TMEM132C: variants seen among roughly 807,000 people sequenced by gnomAD.
TMEM132C encodes the protein protein phosphatase 1, regulatory subunit 152.
Under a neutral mutation model 61.4 loss-of-function variants are expected in TMEM132C, and 29 were observed. The ratio of observed to expected loss-of-function variants is 0.47; its 90% confidence interval spans 0.35 to 0.64. TMEM132C has a LOEUF of 0.64. TMEM132C is among the 30% of genes least tolerant of loss of function. The pLI, the probability that TMEM132C is intolerant of heterozygous loss-of-function variation, is 0.00. For synonymous variants in TMEM132C, 656 were observed against 633.1 expected, an observed-to-expected ratio of 1.04 and a Z score of -0.54; for missense variants, 1,408 against 1,476.9, an observed-to-expected ratio of 0.95 and a Z score of 0.76.
chr12:128,468,541 A>G (rs1870821668), intron 2 of TMEM132C, among the ~76,000 whole-genome samples: 2 of 151,762 alleles, frequency 1.3e-5, no homozygotes, highest in Non-Finnish European at 2.9e-5. Context: ...TTGGTCTGGA[A>G]CTCCCGACCT....
At chr12:128,343,421 TAAAAA>T (rs71449345) in intron 1 of TMEM132C, among the ~76,000 whole-genome samples, 2 of 136,568 alleles carry the variant, frequency 1.5e-5, no homozygotes, top group Non-Finnish European at 1.6e-5. Flanking sequence ...AGACTCAGTC[TAAAAA>T]AAAAAAAAAA....
At chr12:128,327,806 A>G (rs1323104574) in intron 1 of TMEM132C, among the ~76,000 whole-genome samples, 4 of 152,164 alleles carry the variant, frequency 2.6e-5, no homozygotes, top group African/African-American at 9.7e-5. Context: ...GGTTATAGGT[A>G]GATTTAAAAA....
intron 1 of TMEM132C, among the ~76,000 whole-genome samples, chr12:128,398,508 G>A (rs1218271159): frequency 1.3e-5 from 2 of 152,148 alleles, no homozygotes; most frequent in African/African-American, 2.4e-5. Flanking sequence ...ATGTTGGCAC[G>A]TTGCCCGTCT....
chr12:128,289,867 T>A (rs1449290566), intron 1 of TMEM132C, among the ~76,000 whole-genome samples: 2 of 152,164 alleles, frequency 1.3e-5, no homozygotes, highest in African/African-American at 2.4e-5. Flanking sequence ...AATACATAAC[T>A]GATAGCATGT....
At chr12:128,435,798 T>C (rs1274874874) in intron 2 of TMEM132C, among the ~76,000 whole-genome samples, 1 of 150,598 alleles carries the variant, frequency 6.6e-6, no homozygotes, top group Non-Finnish European at 1.5e-5. Flanking sequence ...AAAAAACTAC[T>C]TTAAAGTTTA....
chr12:128,463,300 A>G (rs1870602898), intron 2 of TMEM132C, among the ~76,000 whole-genome samples: 1 of 151,958 alleles, frequency 6.6e-6, no homozygotes, highest in African/African-American at 2.4e-5. Context: ...ATGGTGGTTT[A>G]CCAAAAACTC....
intron 1 of TMEM132C, among the ~76,000 whole-genome samples, chr12:128,356,598 A>G (rs764965424): frequency 6.6e-6 from 1 of 152,218 alleles, no homozygotes; most frequent in Non-Finnish European, 1.5e-5. Context: ...TCTGCATGTT[A>G]AGTAGGTTCA....
At chr12:128,315,541 A>C (rs1593008131) in intron 1 of TMEM132C, among the ~76,000 whole-genome samples, 1 of 152,166 alleles carries the variant, frequency 6.6e-6, no homozygotes, top group East Asian at 1.9e-4. Flanking sequence ...GGAAAAAAAA[A>C]ACTTGCATTT....
chr12:128,501,216 G>T (rs1002575978), intron 2 of TMEM132C, among the ~76,000 whole-genome samples: 1 of 152,094 alleles, frequency 6.6e-6, no homozygotes, highest in Non-Finnish European at 1.5e-5. Context: ...CTCCCCTGAT[G>T]GAACCAAGAC....
intron 2 of TMEM132C, among the ~76,000 whole-genome samples, chr12:128,497,966 A>G (rs115386894): frequency 0.011 from 1,690 of 152,184 alleles, 38 homozygotes; most frequent in African/African-American, 0.038. Context: ...GCCATCTTGG[A>G]ACCACCCCCA....
rs146754389 is a variant in TMEM132C at position 128,374,271 on chromosome 12, A to G, written c.86-40461A>G. Among the ~76,000 whole-genome samples, 242 of 152,298 alleles carry G rather than the reference A, an allele frequency of 1.6e-3. 1 individual carries two copies. The highest frequency in any genetic ancestry group is 5.7e-3 in the African/African-American group (238 of 41,568). On this transcript the variant is annotated intron_variant, in intron 1 of 8. Transcript: ENST00000435159. ...CCCTCCATGGTGGAGTGTGTGTTGT[A>G]TATGGAAGAAGTCAGGTTTCAGAAC...
At chr12:128,317,578 A>G (rs967301395) in intron 1 of TMEM132C, among the ~76,000 whole-genome samples, 3 of 152,234 alleles carry the variant, frequency 2.0e-5, no homozygotes, top group African/African-American at 4.8e-5. Flanking sequence ...GGAGCACTTT[A>G]GAGGAGAATA....
chr12:128,369,668 C>T (rs1335072038), intron 1 of TMEM132C, among the ~76,000 whole-genome samples: 2 of 152,170 alleles, frequency 1.3e-5, no homozygotes, highest in Non-Finnish European at 2.9e-5. Context: ...AAAATGATTG[C>T]CTGGGTCATG....
chr12:128,284,692 A>C (rs1455982486), intron 1 of TMEM132C, among the ~76,000 whole-genome samples: 2 of 152,244 alleles, frequency 1.3e-5, no homozygotes, highest in Non-Finnish European at 2.9e-5. Flanking sequence ...TACCTATAGC[A>C]GTTAAACATA....
intron 5 of TMEM132C, among the ~76,000 whole-genome samples, chr12:128,686,060 TGTGTGCATGC>T (rs1954671852): frequency 1.2e-5 from 1 of 83,872 alleles, no homozygotes. Context: ...TGCATGTGTG[TGTGTGCATGC>T]GTGTGTGCGC....
chr12:128,551,698 T>G (rs1874182336), intron 3 of TMEM132C, among the ~76,000 whole-genome samples: 1 of 152,160 alleles, frequency 6.6e-6, no homozygotes, highest in Admixed American at 6.5e-5. Flanking sequence ...GAACACATCT[T>G]GCGGTTCTTT....
chr12:128,312,045 C>T (rs1053136029), intron 1 of TMEM132C, among the ~76,000 whole-genome samples: 6 of 152,146 alleles, frequency 3.9e-5, no homozygotes, highest in South Asian at 2.1e-4. Flanking sequence ...CAAAGTCGGG[C>T]GGTGGAGACT....
At chr12:128,668,977 G>A (rs1468034676) in intron 4 of TMEM132C, among the ~76,000 whole-genome samples, 1 of 152,118 alleles carries the variant, frequency 6.6e-6, no homozygotes, top group Non-Finnish European at 1.5e-5. Flanking sequence ...CTTTTACCAT[G>A]TAAGGTAACA....
intron 3 of TMEM132C, among the ~76,000 whole-genome samples, chr12:128,569,697 G>C (rs762649501): frequency 6.6e-6 from 1 of 152,194 alleles, no homozygotes; most frequent in Non-Finnish European, 1.5e-5. Context: ...GGTAAATCAA[G>C]ACAGTCAGCA....
Sources: gnomAD v4.1 joint callset for allele counts (sites outside exome capture counted in the v4.1 genomes callset) on GRCh38, gnomAD v4.1.1 for gene constraint, MANE v1.5 for transcripts, NCBI Gene and HGNC (gene_info 2026-07-23, HGNC 2026-07-21) for gene names.